The following ROBO1 variants were observed in gnomAD, a reference collection of about 807,000 sequenced individuals.
The protein encoded by ROBO1 is roundabout homolog 1.
ROBO1 carries 149 observed loss-of-function variants against 195.9 expected under a neutral mutation model. That is an observed-to-expected ratio of 0.76 (90% CI 0.67 to 0.87). The LOEUF is 0.87. Ranked by LOEUF, ROBO1 falls within the 40% of genes least tolerant of loss-of-function variation. The probability of loss-of-function intolerance (pLI) is 0.00; values close to 1 mark genes in which losing one functional copy is unlikely to be tolerated. For missense variants in ROBO1, 1,933 were observed against 2,068.3 expected (o/e 0.93, Z 1.27); for synonymous variants, 816 against 733.2 (o/e 1.11, Z -1.82).
At chr3:78,681,658 A>C (rs1470581096) in intron 10 of ROBO1, among the ~76,000 whole-genome samples, 1 of 152,108 alleles carries the variant, frequency 6.6e-6, no homozygotes, top group Non-Finnish European at 1.5e-5. Context: ...TAATCCCAGC[A>C]CTTTGGGAGG....
chr3:78,961,394 G>T (rs2041339960), intron 3 of ROBO1, among the ~76,000 whole-genome samples: 1 of 152,180 alleles, frequency 6.6e-6, no homozygotes, highest in South Asian at 2.1e-4. Flanking sequence ...CTGCACTGAT[G>T]TGTTTAAGAA....
intron 1 of ROBO1, among the ~76,000 whole-genome samples, chr3:79,609,550 A>G (rs745844753): frequency 2.0e-5 from 3 of 151,968 alleles, no homozygotes; most frequent in Non-Finnish European, 4.4e-5. Flanking sequence ...ATATTTGTAC[A>G]TTCACATTTA....
At chr3:79,315,415 A>G (rs758286575) in intron 2 of ROBO1, among the ~76,000 whole-genome samples, 2 of 152,248 alleles carry the variant, frequency 1.3e-5, no homozygotes, top group Non-Finnish European at 2.9e-5. Context: ...AAGAGATTAT[A>G]GTGAAACAAA....
rs187846966 is a variant in ROBO1 at position 79,455,860 on chromosome 3, C to T, written c.88+133964G>A. Among the ~76,000 whole-genome samples the T allele has an allele frequency of 1.4e-3, 208 of 152,198 alleles. 1 individual carries two copies. Among genetic ancestry groups the T allele is most frequent in the African/African-American group, 4.7e-3 (197 of 41,536 alleles). On this transcript the variant is annotated intron_variant, in intron 2 of 30. Transcript: ENST00000464233. ...TAGCTCTAAGAATGATTACCGAATACGAAACATGACACTCTGTAAAATATC... is the reference window on the plus strand; with the variant it reads ...TAGCTCTAAGAATGATTACCGAATATGAAACATGACACTCTGTAAAATATC...
intron 6 of ROBO1, 66 bp downstream of exon 6, chr3:78,717,697 G>A: frequency 1.3e-6 from 2 of 1,544,414 alleles, no homozygotes; most frequent in Non-Finnish European, 1.8e-6. Context: ...TTTCCCCCTT[G>A]TATACAGACA....
rs531030806 is a variant in ROBO1, at chr3:78,954,096, C to T, written c.173-15169G>A. Among the ~76,000 whole-genome samples the T allele has an allele frequency of 7.2e-5, 11 of 151,864 alleles. No homozygotes were observed. In the South Asian group the frequency reaches 2.3e-3, roughly 31 times the overall value. On this transcript the variant is annotated intron_variant, in intron 3 of 30. Coordinates refer to ENST00000464233, the MANE Select transcript of ROBO1 (RefSeq NM_002941.4). ...AACTTAAAATAATTTTCCACTTATA[C>T]AGGTCTTGGCAAGTTTTGGCACAAT...
chr3:79,468,987 A>T (rs1938119915), intron 2 of ROBO1, among the ~76,000 whole-genome samples: 1 of 152,224 alleles, frequency 6.6e-6, no homozygotes, highest in Admixed American at 6.5e-5. Flanking sequence ...TGCAAATTTC[A>T]TAAAAAAATG....
chr3:78,904,938 G>T (rs2037813514), intron 4 of ROBO1, among the ~76,000 whole-genome samples: 1 of 151,666 alleles, frequency 6.6e-6, no homozygotes. Context: ...CAATATCATG[G>T]AATCAAATTT....
At chr3:78,804,732 C>CAAAAAA (rs10576248) in intron 4 of ROBO1, among the ~76,000 whole-genome samples, 5 of 93,176 alleles carry the variant, frequency 5.4e-5, no homozygotes, top group African/African-American at 1.2e-4. Context: ...GGAGCAAAGG[C>CAAAAAA]AAAAAAAAAA....
At chr3:78,801,325 T>C (rs1368349705) in intron 4 of ROBO1, among the ~76,000 whole-genome samples, 1 of 152,200 alleles carries the variant, frequency 6.6e-6, no homozygotes, top group Non-Finnish European at 1.5e-5. Context: ...AGATTAAAAA[T>C]ATAGGATACT....
At chr3:79,366,757 C>T (rs1438579606) in intron 2 of ROBO1, among the ~76,000 whole-genome samples, 2 of 152,126 alleles carry the variant, frequency 1.3e-5, no homozygotes, top group South Asian at 2.1e-4. Flanking sequence ...TCAATCCTCT[C>T]GACGTTCACT....
intron 3 of ROBO1, among the ~76,000 whole-genome samples, chr3:78,988,862 A>G (rs144456288): frequency 3.2e-4 from 48 of 152,328 alleles, no homozygotes; most frequent in African/African-American, 1.1e-3. Flanking sequence ...GAAAGATCAC[A>G]TATCACATAC....
At chr3:79,345,754 C>T (rs1291849870) in intron 2 of ROBO1, among the ~76,000 whole-genome samples, 2 of 152,142 alleles carry the variant, frequency 1.3e-5, no homozygotes, top group Admixed American at 6.6e-5. Context: ...CCTTACCCTG[C>T]CATACATTCC....
At position 78,940,311 on chromosome 3, in the gene ROBO1, G is replaced by C. The variant is rs980265091; in HGVS notation, c.173-1384C>G. ...TTTCCACCAGGATGTAGGAAAGCCT[G>C]TGAAATAGTTTCACTTCAGTGTAGC... On this transcript the variant is annotated intron_variant, in intron 3 of 30. Coordinates refer to ENST00000464233, the MANE Select transcript of ROBO1 (RefSeq NM_002941.4). 7.9e-5 allele frequency among the ~76,000 whole-genome samples: 12 copies of C among 152,200 alleles called. No individual in the cohort carries two copies. The South Asian group carries it at 2.3e-3, about 29-fold the overall frequency.
intron 4 of ROBO1, among the ~76,000 whole-genome samples, chr3:78,922,592 C>CCTT (rs1041351099): frequency 2.7e-5 from 4 of 146,760 alleles, no homozygotes; most frequent in African/African-American, 1.0e-4. Context: ...TTCTTCTTCT[C>CCTT]CTTCTTCTTC....
intron 4 of ROBO1, among the ~76,000 whole-genome samples, chr3:78,874,117 T>C (rs1249877613): frequency 6.6e-6 from 1 of 151,942 alleles, no homozygotes; most frequent in East Asian, 1.9e-4. Flanking sequence ...AAACAATATA[T>C]TGAATCAGAT....
chr3:79,395,098 C>T (rs1476524315), intron 2 of ROBO1, among the ~76,000 whole-genome samples: 4 of 151,742 alleles, frequency 2.6e-5, no homozygotes, highest in Non-Finnish European at 5.9e-5. Context: ...CCGAGGCGGG[C>T]GGATCACGAG....
At chr3:78,610,348 G>C (rs1435710189) in intron 28 of ROBO1, among the ~76,000 whole-genome samples, 1 of 152,084 alleles carries the variant, frequency 6.6e-6, no homozygotes, top group Admixed American at 6.6e-5. Flanking sequence ...GAGAGAGTTA[G>C]AAAACAGGCT....
At chr3:78,767,089 A>G (rs989561329) in intron 4 of ROBO1, among the ~76,000 whole-genome samples, 1 of 152,066 alleles carries the variant, frequency 6.6e-6, no homozygotes, top group Admixed American at 6.6e-5. Context: ...CTTTTTTGGT[A>G]ATATCCTTTC....
Sources: gnomAD v4.1 joint callset for allele counts (sites outside exome capture counted in the v4.1 genomes callset) on GRCh38, gnomAD v4.1.1 for gene constraint, MANE v1.5 for transcripts, NCBI Gene and HGNC (gene_info 2026-07-23, HGNC 2026-07-21) for gene names.